CNOT10: variants seen among roughly 807,000 people sequenced by gnomAD.
CNOT10 encodes CCR4-NOT transcription complex subunit 10, also known as CCR4-NOT transcription complex, subunit 10.
CNOT10 carries 30 observed loss-of-function variants against 94.6 expected under a neutral mutation model. The ratio of observed to expected loss-of-function variants is 0.32; its 90% CI spans 0.24 to 0.43. The LOEUF is 0.43. Ranked by LOEUF, CNOT10 falls within the 20% of genes least tolerant of loss-of-function variation. CNOT10 has a pLI of 1.00. For synonymous variants in CNOT10, 289 were observed against 301.6 expected (o/e 0.96, Z 0.43); for missense variants, 759 against 877.2 (o/e 0.87, Z 1.70).
intron 11 of CNOT10, 60 bp from the exon 12 acceptor site, chr3:32,734,739 TA>T: frequency 7.4e-7 from 1 of 1,348,288 alleles, no homozygotes; most frequent in Non-Finnish European, 1.0e-6. Context: ...TTCCTCATAA[TA>T]AAAGAGCCTT....
intron 1 of CNOT10, among the ~76,000 whole-genome samples, chr3:32,697,099 T>C (rs1464745190): frequency 1.3e-5 from 2 of 152,072 alleles, no homozygotes. Flanking sequence ...TGTAGGCATA[T>C]GCCACCACGC....
At chr3:32,695,474 A>T in intron 1 of CNOT10, 1 of 1,169,882 alleles carries the variant, frequency 8.5e-7, no homozygotes, top group Non-Finnish European at 1.2e-6. Context: ...TGATGAGTGT[A>T]GCTTGTAGTC....
At chr3:32,748,218 C>T (rs1452004580) in intron 13 of CNOT10, among the ~76,000 whole-genome samples, 1 of 152,072 alleles carries the variant, frequency 6.6e-6, no homozygotes, top group Non-Finnish European at 1.5e-5. Context: ...CAAGTGTGTT[C>T]GAATGTTTGT....
intron 13 of CNOT10, among the ~76,000 whole-genome samples, chr3:32,750,434 G>C (rs1389402196): frequency 6.6e-6 from 1 of 152,144 alleles, no homozygotes; most frequent in Non-Finnish European, 1.5e-5. Context: ...CGAAGTTGCA[G>C]TGAGCCAAGA....
chr3:32,696,135 G>A (rs1697055075), intron 1 of CNOT10, among the ~76,000 whole-genome samples: 1 of 151,842 alleles, frequency 6.6e-6, no homozygotes, highest in Admixed American at 6.6e-5. Flanking sequence ...GGCTGACATG[G>A]TAAAACCCTG....
At chr3:32,732,717 G>A (rs982356509) in intron 10 of CNOT10, among the ~76,000 whole-genome samples, 3 of 152,072 alleles carry the variant, frequency 2.0e-5, no homozygotes, top group African/African-American at 7.2e-5. Flanking sequence ...CTGGGATTAC[G>A]GGCATGAACC....
At chr3:32,705,411 T>C (rs1697573217) in intron 3 of CNOT10, among the ~76,000 whole-genome samples, 1 of 152,144 alleles carries the variant, frequency 6.6e-6, no homozygotes, top group African/African-American at 2.4e-5. Context: ...CTGGTGATAA[T>C]GGCAATGTTT....
At chr3:32,738,206 G>GA (rs1699280489) in intron 13 of CNOT10, among the ~76,000 whole-genome samples, 1 of 152,084 alleles carries the variant, frequency 6.6e-6, no homozygotes, top group Non-Finnish European at 1.5e-5. Context: ...TAGAGGATCA[G>GA]AAAAAATAAC....
chr3:32,696,897 A>T (rs1697094614), intron 1 of CNOT10, among the ~76,000 whole-genome samples: 1 of 151,798 alleles, frequency 6.6e-6, no homozygotes, highest in South Asian at 2.1e-4. Flanking sequence ...TATTTATCTT[A>T]AATTGGCTTC....
chr3:32,751,838 A>C (rs1699978738), intron 13 of CNOT10, among the ~76,000 whole-genome samples: 1 of 152,122 alleles, frequency 6.6e-6, no homozygotes, highest in Non-Finnish European at 1.5e-5. Flanking sequence ...TCCTCCTGAA[A>C]CTTGTTCATC....
intron 13 of CNOT10, chr3:32,753,430 G>C (rs1404358444): frequency 6.6e-7 from 1 of 1,518,626 alleles, no homozygotes. Flanking sequence ...GGAATTGTCT[G>C]CTTTGGTTAA....
chr3:32,687,452 GTTTTTTTTTTTTT>G (rs56091219), intron 1 of CNOT10, among the ~76,000 whole-genome samples: 1 of 60,400 alleles, frequency 1.7e-5, no homozygotes, highest in East Asian at 5.7e-4. Context: ...TTTTTTTTTT[GTTTTTTTTTTTTT>G]TTTTGAGACG....
rs956918095 is a variant in CNOT10 at position 32,735,094 on chromosome 3, G to A, written c.1514+118G>A. 4 of 860,846 alleles carry A rather than the reference G, an allele frequency of 4.6e-6. No individual in the cohort carries two copies. The South Asian group carries it at 5.7e-5, about 12-fold the overall frequency. 53.3% of individuals were successfully genotyped at this position (860,846 alleles called of 1,614,324 possible). On this transcript the variant is annotated intron_variant, in intron 12 of 18. Transcript: ENST00000328834. ...ACCTGAATTTCTGAAATTCTGTTTT[G>A]CGTAACAAGAAAGGAAAGTATTTAT...
intron 12 of CNOT10, among the ~76,000 whole-genome samples, chr3:32,736,414 C>T (rs769318249): frequency 2.6e-5 from 4 of 152,008 alleles, no homozygotes; most frequent in East Asian, 1.9e-4. Flanking sequence ...TACATGGCAT[C>T]GTTAAACTTA....
intron 1 of CNOT10, 39 bp downstream of exon 1, chr3:32,685,521 G>A: frequency 6.5e-7 from 1 of 1,548,890 alleles, no homozygotes; most frequent in Non-Finnish European, 8.7e-7. Context: ...ACGGCGGGAC[G>A]TGCGGGGCCG....
rs1329201059 is a variant in CNOT10, at chr3:32,717,164, G to A, written c.671G>A (p.Arg224Gln). The A allele has an allele frequency of 1.1e-5, 17 of 1,597,952 alleles. No individual in the cohort carries two copies. The highest frequency in any genetic ancestry group is 2.7e-5 in the African/African-American group (2 of 74,272). ...TTTTCCCTTTGACAGTACAAAGTACGAGCTTATATCCAAATGAAGTCTCTG... is the reference window on the plus strand; with the variant it reads ...TTTTCCCTTTGACAGTACAAAGTACAAGCTTATATCCAAATGAAGTCTCTG... ...AKSKIHQYKVRAYIQMKSLKA... is the reference protein window; with the variant it reads ...AKSKIHQYKVQAYIQMKSLKA... Residue 224 changes from arginine to glutamine, a missense_variant, in exon 7 of 19, where the codon CGA becomes CAA. Transcript: ENST00000328834.
At chr3:32,718,780 G>A (rs530246147) in intron 7 of CNOT10, among the ~76,000 whole-genome samples, 16 of 151,868 alleles carry the variant, frequency 1.1e-4, no homozygotes, top group Non-Finnish European at 1.6e-4. Flanking sequence ...GCAGAGCAAA[G>A]GATAAACTAG....
In CNOT10 at chr3:32,695,723, A is replaced by T. The variant is rs78988532; in HGVS notation, c.23-8145A>T. On this transcript the variant is annotated intron_variant, in intron 1 of 18. Coordinates refer to ENST00000328834, the MANE Select transcript of CNOT10 (RefSeq NM_015442.3). ...TGTTCATTAGGCCAGAGTAGAAGGAAAGTCAAGCTTATGGGTGAACGGTCG... is the reference window on the plus strand; with the variant it reads ...TGTTCATTAGGCCAGAGTAGAAGGATAGTCAAGCTTATGGGTGAACGGTCG... 9.2e-5 allele frequency: 142 copies of T among 1,536,014 alleles called. 1 individual carries two copies. The East Asian group carries it at 3.0e-3, about 32-fold the overall frequency.
intron 7 of CNOT10, among the ~76,000 whole-genome samples, chr3:32,717,619 A>C (rs765653433): frequency 9.2e-5 from 14 of 152,148 alleles, no homozygotes; most frequent in Non-Finnish European, 1.9e-4. Flanking sequence ...TAATCCCAGC[A>C]CTTTAGGAGG....
Sources: gnomAD v4.1 joint callset for allele counts (sites outside exome capture counted in the v4.1 genomes callset) on GRCh38, gnomAD v4.1.1 for gene constraint, MANE v1.5 for transcripts, NCBI Gene and HGNC (gene_info 2026-07-23, HGNC 2026-07-21) for gene names.